The following ULK2 variants were observed in gnomAD, a reference collection of about 807,000 sequenced individuals.
ULK2 encodes the protein serine/threonine-protein kinase ULK2.
ULK2 carries 76 observed loss-of-function variants against 127.5 expected under a neutral mutation model. That is an observed-to-expected ratio of 0.60 (90% CI 0.50 to 0.72). The LOEUF (loss-of-function observed/expected upper bound fraction) is 0.72, where lower values mean the gene tolerates loss of function less well. ULK2 is among the 30% of genes least tolerant of loss of function. ULK2 has a pLI of 0.00. For missense variants in ULK2, 1,144 were observed against 1,295.9 expected (o/e 0.88, Z 1.80); for synonymous variants, 452 against 461.9 (o/e 0.98, Z 0.28).
rs200964241 is a variant in ULK2 at position 19,801,423 on chromosome 17, TA to T, written c.1441+353del. Among the ~76,000 whole-genome samples the T allele has an allele frequency of 5.7e-3, 871 of 151,754 alleles. 12 individuals are homozygous for T. The highest frequency in any genetic ancestry group is 0.02 in the African/African-American group (821 of 41,358). On this transcript the variant is annotated intron_variant, in intron 16 of 26. Coordinates refer to ENST00000395544, the MANE Select transcript of ULK2 (RefSeq NM_014683.4). ...CTTTGTCTCCGTAAAAATAAAAAAG[TA>T]AAAAAAATTAGCTGGGTGTGGTGGC...
intron 11 of ULK2, 26 bp from the exon 12 acceptor site, chr17:19,825,208 ACAT>A: frequency 6.2e-7 from 1 of 1,605,610 alleles, no homozygotes. Flanking sequence ...CAAATGAACT[ACAT>A]CATTTTGTAG....
At position 19,775,169 on chromosome 17, in the gene ULK2, A is replaced by G. The variant is rs191851119; in HGVS notation, c.*1180T>C. Reference sequence around the variant, plus strand: ...GTAAGTAAAAGAAACCAAGTAATACACAACGTAGGAACCATTCCTGGAGGG... The same window carrying G: ...GTAAGTAAAAGAAACCAAGTAATACGCAACGTAGGAACCATTCCTGGAGGG... On this transcript the variant is annotated 3_prime_UTR_variant, in exon 27 of 27. Coordinates refer to ENST00000395544, the MANE Select transcript of ULK2 (RefSeq NM_014683.4). The G allele has an allele frequency of 1.3e-5, 2 of 152,782 alleles. No individual in the cohort carries two copies. The highest frequency in any genetic ancestry group is 3.9e-4 in the East Asian group (2 of 5,184). The allele number at this position is 152,782 out of a possible 1,614,324, so 9.5% of individuals were successfully genotyped here. A position where few individuals can be genotyped will look rare whatever the true frequency, so the allele number is the denominator to read the frequency against.
intron 10 of ULK2, among the ~76,000 whole-genome samples, chr17:19,830,704 CTT>C (rs1223875214): frequency 2.0e-5 from 3 of 151,488 alleles, no homozygotes; most frequent in African/African-American, 7.3e-5. Context: ...ACAAAACACT[CTT>C]GTGTTACTCT....
rs1228518793 is a variant in ULK2, at chr17:19,860,547, G to A, written c.225+4256C>T. ...CTCTTTTTTTTTTTTTTTTTGAGAC[G>A]GAGTTTCCCTCTTGTTGCCCAGGCT... is the stretch of plus-strand genomic sequence containing the variant. On this transcript the variant is annotated intron_variant, in intron 3 of 26. Transcript: ENST00000395544. 3.5e-5 allele frequency among the ~76,000 whole-genome samples: 5 copies of A among 144,846 alleles called. No homozygotes were observed. The East Asian group carries it at 6.1e-4, about 18-fold the overall frequency.
chr17:19,791,225 G>A (rs991107783), intron 20 of ULK2, among the ~76,000 whole-genome samples: 1 of 152,176 alleles, frequency 6.6e-6, no homozygotes, highest in Non-Finnish European at 1.5e-5. Flanking sequence ...ATTCTCATAT[G>A]TTATGTCACA....
intron 14 of ULK2, among the ~76,000 whole-genome samples, chr17:19,810,128 G>A (rs1051906806): frequency 6.6e-6 from 1 of 151,532 alleles, no homozygotes; most frequent in East Asian, 1.9e-4. Context: ...CTACTCGGGA[G>A]GCTGAGGCAG....
At chr17:19,814,439 T>TATATATACACACACATATATA (rs1491246393) in intron 13 of ULK2, among the ~76,000 whole-genome samples, 1 of 10,004 alleles carries the variant, frequency 1.0e-4, no homozygotes, top group African/African-American at 2.1e-4. Flanking sequence ...TATATATATA[T>TATATATACACACACATATATA]TTTTTTTTTT....
chr17:19,782,283 T>A (rs1317558574), intron 22 of ULK2, among the ~76,000 whole-genome samples: 2 of 152,280 alleles, frequency 1.3e-5, no homozygotes, highest in Non-Finnish European at 2.9e-5. Context: ...TGTATGTGTA[T>A]CAGAGTACCC....
At chr17:19,830,943 C>T (rs1163621580) in intron 10 of ULK2, among the ~76,000 whole-genome samples, 1 of 149,996 alleles carries the variant, frequency 6.7e-6, no homozygotes, top group African/African-American at 2.4e-5. Context: ...AGGAGAATCG[C>T]TTGAACCCCG....
Position 19,838,517 on chromosome 17 carries a change from T to A in ULK2, c.771A>T (p.Lys257Asn), listed in dbSNP as rs1202856383. ...LLLGLLQRNQ[K>N]DRMDFEAFFS... ...ATTTCTTACCAAAGTCCATTCTATC[T>A]TTTTGGTTTCTCTGAAGCAAACCCA... Residue 257 changes from lysine (K) to asparagine (N), a missense_variant, in exon 10 of 27, where the codon AAA becomes AAT. By Grantham distance (94) the Lys-to-Asn change is moderately conservative. This residue lies in a region of ULK2 where 231 missense variants were observed against 325.4 expected (regional missense o/e 0.71). Transcript: ENST00000395544. 1.2e-5 allele frequency: 20 copies of A among 1,611,494 alleles called. No homozygotes were observed. The highest frequency in any genetic ancestry group is 1.7e-5 in the Non-Finnish European group (20 of 1,179,084).
chr17:19,797,645 G>A lies in ULK2; in HGVS notation c.1560C>T (p.Leu520=), dbSNP rs1206209764. 2 of 1,590,602 alleles carry A rather than the reference G, an allele frequency of 1.3e-6. No individual in the cohort carries two copies. Among genetic ancestry groups the A allele is most frequent in the Non-Finnish European group, 1.7e-6 (2 of 1,167,398 alleles). Residue 520 remains leucine (L), a synonymous_variant, in exon 18 of 27, where the codon CTC becomes CTT. Coordinates refer to ENST00000395544, the MANE Select transcript of ULK2 (RefSeq NM_014683.4). Reference sequence around the variant, plus strand: ...CGCTCTGCAGTCTAGCACCCGATAAGAGAGACTGTGGGGACTGAGCTTGTG... The same window carrying A: ...CGCTCTGCAGTCTAGCACCCGATAAAAGAGACTGTGGGGACTGAGCTTGTG... The part of the protein sequence containing the change: ...PVPQAQSPQS[L]LSGARLQSAP...
chr17:19,837,842 G>A (rs1844417318), intron 10 of ULK2, among the ~76,000 whole-genome samples: 1 of 152,158 alleles, frequency 6.6e-6, no homozygotes, highest in Admixed American at 6.5e-5. Flanking sequence ...CCCAGCTTCT[G>A]CTCTTCCCCT....
rs114745954 is a variant in ULK2, at chr17:19,839,525, G to A, written c.705-942C>T. Among the ~76,000 whole-genome samples, 1,176 of 151,522 alleles carry A rather than the reference G, an allele frequency of 7.8e-3. 14 individuals carry two copies. Among genetic ancestry groups the A allele is most frequent in the African/African-American group, 0.026 (1,089 of 41,202 alleles). Reference sequence around the variant, plus strand: ...ACTAAAAATACAAAAATTGGCCGGTGTGGTAGCCTGCCTGTAGTCCTAGCT... The same window carrying A: ...ACTAAAAATACAAAAATTGGCCGGTATGGTAGCCTGCCTGTAGTCCTAGCT... On this transcript the variant is annotated intron_variant, in intron 9 of 26. Transcript: ENST00000395544.
chr17:19,836,086 G>A (rs1448560353), intron 10 of ULK2, among the ~76,000 whole-genome samples: 4 of 150,060 alleles, frequency 2.7e-5, no homozygotes, highest in African/African-American at 9.8e-5. Context: ...GACCAACATG[G>A]CAAAAACCCA....
intron 3 of ULK2, among the ~76,000 whole-genome samples, chr17:19,856,695 G>A (rs375997708): frequency 2.6e-5 from 4 of 151,486 alleles, no homozygotes; most frequent in Non-Finnish European, 5.9e-5. Flanking sequence ...TTTTACGGCC[G>A]GGTGCAGTGG....
chr17:19,864,238 T>A (rs1034694953), intron 3 of ULK2, among the ~76,000 whole-genome samples: 18 of 152,016 alleles, frequency 1.2e-4, no homozygotes, highest in African/African-American at 3.9e-4. Context: ...GAGGCCAAGG[T>A]GGGAGGATGA....
intron 13 of ULK2, among the ~76,000 whole-genome samples, chr17:19,816,086 C>A (rs1325755272): frequency 6.6e-6 from 1 of 152,120 alleles, no homozygotes; most frequent in Non-Finnish European, 1.5e-5. Context: ...AAGCACTAGA[C>A]GAACAACTAA....
At chr17:19,854,155 G>A (rs1044987593) in intron 3 of ULK2, among the ~76,000 whole-genome samples, 3 of 151,754 alleles carry the variant, frequency 2.0e-5, no homozygotes, top group African/African-American at 4.8e-5. Context: ...GTGCATGCCT[G>A]TAACCCCAGC....
intron 7 of ULK2, 72 bp downstream of exon 7, chr17:19,845,232 A>G: frequency 7.6e-7 from 1 of 1,307,536 alleles, no homozygotes; most frequent in Non-Finnish European, 1.1e-6. Context: ...ATTTGGAAGC[A>G]CGCATTATAT....
Sources: gnomAD v4.1 joint callset for allele counts (sites outside exome capture counted in the v4.1 genomes callset) on GRCh38, gnomAD v4.1.1 for gene constraint, gnomAD v4.1.1 regional missense constraint, MANE v1.5 for transcripts, NCBI Gene and HGNC (gene_info 2026-07-23, HGNC 2026-07-21) for gene names.